RBFOX3: variants seen among roughly 807,000 people sequenced by gnomAD.
RBFOX3 encodes the protein RNA binding fox-1 homolog 3.
Under a neutral mutation model 48.7 loss-of-function variants are expected in RBFOX3, and 17 were observed. The observed-to-expected ratio is 0.35, with a 90% CI of 0.24 to 0.52. RBFOX3 has a LOEUF of 0.52. RBFOX3 is among the 20% of genes least tolerant of loss of function. The pLI, the probability that RBFOX3 is intolerant of heterozygous loss-of-function variation, is 0.94. For synonymous variants in RBFOX3, 212 were observed against 209.5 expected (o/e 1.01, Z -0.10); for missense variants, 382 against 497.5 (o/e 0.77, Z 2.21).
intron 3 of RBFOX3, among the ~76,000 whole-genome samples, chr17:79,282,586 G>T (rs563576131): frequency 3.5e-4 from 54 of 152,142 alleles, no homozygotes; most frequent in Non-Finnish European, 6.3e-4. Context: ...GGGCAGGGAG[G>T]GTCACTGCAC....
At position 79,417,653 on chromosome 17, in the gene RBFOX3, A is replaced by G. The variant is rs138006177; in HGVS notation, c.-175+64801T>C. On this transcript the variant is annotated intron_variant, in intron 2 of 14. Coordinates refer to ENST00000693108, the MANE Select transcript of RBFOX3 (RefSeq NM_001350451.2). ...GGAAGATGGCGCCGCTGCTGCGGAA[A>G]AGGAAGGTTTGGCGGTTCCTTAAAC... 2.1e-4 allele frequency among the ~76,000 whole-genome samples: 32 copies of G among 152,328 alleles called. No individual in the cohort carries two copies. In the East Asian group the frequency reaches 4.1e-3, roughly 19 times the overall value.
intron 1 of RBFOX3, among the ~76,000 whole-genome samples, chr17:79,594,413 C>G (rs1011992593): frequency 5.3e-5 from 8 of 152,204 alleles, no homozygotes; most frequent in African/African-American, 1.9e-4. Flanking sequence ...ATGGAAATGG[C>G]TTGCTGTCCC....
intron 4 of RBFOX3, among the ~76,000 whole-genome samples, chr17:79,151,416 G>A (rs2044402200): frequency 2.3e-5 from 2 of 85,614 alleles, no homozygotes; most frequent in Middle Eastern, 4.5e-3. Context: ...GGGCTGGGAG[G>A]GGACCTGCAG....
chr17:79,205,440 C>G lies in RBFOX3; in HGVS notation c.-34+30326G>C, dbSNP rs934305721. Among the ~76,000 whole-genome samples the G allele has an allele frequency of 1.3e-5, 2 of 152,148 alleles. No homozygotes were observed. Among genetic ancestry groups the G allele is most frequent in the Non-Finnish European group, 2.9e-5 (2 of 68,022 alleles). ...TTGGATGGCTACACTTAGCATCTAG[C>G]ATAACCTGAATATGAGTTCCCTGAC... On this transcript the variant is annotated intron_variant, in intron 4 of 14. Coordinates refer to ENST00000693108, the MANE Select transcript of RBFOX3 (RefSeq NM_001350451.2). The surrounding 1 kb of genome is among the most constrained non-coding windows in gnomAD (Gnocchi z 4.5).
chr17:79,179,188 G>A (rs1486079894), intron 4 of RBFOX3, among the ~76,000 whole-genome samples: 1 of 152,220 alleles, frequency 6.6e-6, no homozygotes, highest in South Asian at 2.1e-4. Context: ...ACCTTAGAGG[G>A]AAGAGAGAAT....
intron 2 of RBFOX3, among the ~76,000 whole-genome samples, chr17:79,386,476 A>T (rs958573314): frequency 2.0e-5 from 3 of 152,236 alleles, no homozygotes; most frequent in Middle Eastern, 3.2e-3. Flanking sequence ...GTCGACAGCT[A>T]GTGAGTGGCA....
At chr17:79,113,138 C>T (rs1173976515) in intron 5 of RBFOX3, among the ~76,000 whole-genome samples, 1 of 152,092 alleles carries the variant, frequency 6.6e-6, no homozygotes, top group Non-Finnish European at 1.5e-5. Context: ...GCTGAAAGGG[C>T]CCTGCTGATG....
intron 1 of RBFOX3, among the ~76,000 whole-genome samples, chr17:79,583,507 T>C (rs1199165039): frequency 6.6e-6 from 1 of 151,886 alleles, no homozygotes; most frequent in Admixed American, 6.6e-5. Context: ...GACCCCTAAG[T>C]GGGGACAGTT....
Position 79,471,156 on chromosome 17 carries a change from G to A in RBFOX3, c.-175+11298C>T, listed in dbSNP as rs1598840748. Reference sequence around the variant, plus strand: ...GACATCCATAATGCAGAATGGAGGTGAGTCCTGGGTCCCCAGCACCCCTCC... The same window carrying A: ...GACATCCATAATGCAGAATGGAGGTAAGTCCTGGGTCCCCAGCACCCCTCC... On this transcript the variant is annotated intron_variant, in intron 2 of 14. Coordinates refer to ENST00000693108, the MANE Select transcript of RBFOX3 (RefSeq NM_001350451.2). The surrounding 1 kb of genome is among the most constrained non-coding windows in gnomAD (Gnocchi z 4.0). Among the ~76,000 whole-genome samples, 2 of 152,300 alleles carry A rather than the reference G, an allele frequency of 1.3e-5. No individual in the cohort carries two copies. The highest frequency in any genetic ancestry group is 2.1e-4 in the South Asian group (1 of 4,826).
intron 3 of RBFOX3, among the ~76,000 whole-genome samples, chr17:79,304,431 A>T (rs921824257): frequency 6.7e-6 from 1 of 149,222 alleles, no homozygotes; most frequent in Admixed American, 6.7e-5. Flanking sequence ...ATATATTTTG[A>T]TATATATGTG....
intron 4 of RBFOX3, among the ~76,000 whole-genome samples, chr17:79,130,074 G>A (rs1289108305): frequency 6.6e-6 from 1 of 152,172 alleles, no homozygotes; most frequent in Non-Finnish European, 1.5e-5. Flanking sequence ...GCCTGGAGCA[G>A]GAATGCACCT....
intron 1 of RBFOX3, among the ~76,000 whole-genome samples, chr17:79,608,781 G>A (rs2093897301): frequency 6.6e-6 from 1 of 152,176 alleles, no homozygotes; most frequent in African/African-American, 2.4e-5. Context: ...TGAGCGGTGA[G>A]CGAGGCGCCC....
chr17:79,107,078 T>TC (rs2077524469), intron 5 of RBFOX3, among the ~76,000 whole-genome samples: 1 of 152,178 alleles, frequency 6.6e-6, no homozygotes. Flanking sequence ...CCTGCTCTGT[T>TC]CCCCGCTCCC....
At chr17:79,449,507 A>G (rs1392837284) in intron 2 of RBFOX3, among the ~76,000 whole-genome samples, 2 of 152,134 alleles carry the variant, frequency 1.3e-5, no homozygotes, top group African/African-American at 2.4e-5. Flanking sequence ...GAAGCCTCCA[A>G]CAACTTCTAC....
intron 1 of RBFOX3, among the ~76,000 whole-genome samples, chr17:79,555,692 TGGTGG>T (rs2091676827): frequency 6.6e-6 from 1 of 152,196 alleles, no homozygotes; most frequent in African/African-American, 2.4e-5. Flanking sequence ...ATGGTGGTGA[TGGTGG>T]TGATAGTGGT....
rs1454464630 is a variant in RBFOX3 at position 79,482,636 on chromosome 17, G to A, written c.-319-38C>T. The A allele has an allele frequency of 6.6e-6, 1 of 152,090 alleles. No individual in the cohort carries two copies. The highest frequency in any genetic ancestry group is 1.5e-5 in the Non-Finnish European group (1 of 68,004). The allele number at this position is 152,090 out of a possible 1,614,324, so 9.4% of individuals were successfully genotyped here. ...AAAAGCAAGTAAAAAAATTGCCTTT[G>A]AAGAAAACATCTTCCTTTTGATCTA... On this transcript the variant is annotated intron_variant, in intron 1 of 14. Coordinates refer to ENST00000693108, the MANE Select transcript of RBFOX3 (RefSeq NM_001350451.2). This position sits in a 1 kb window ranked among gnomAD's most constrained non-coding sequence, Gnocchi z 4.1.
At chr17:79,584,933 T>G (rs2093196963) in intron 1 of RBFOX3, among the ~76,000 whole-genome samples, 1 of 151,990 alleles carries the variant, frequency 6.6e-6, no homozygotes, top group Non-Finnish European at 1.5e-5. Flanking sequence ...ACCCAGCTAC[T>G]TTTTTGTATT....
chr17:79,140,784 C>G (rs562646015), intron 4 of RBFOX3, among the ~76,000 whole-genome samples: 2 of 152,354 alleles, frequency 1.3e-5, no homozygotes, highest in Admixed American at 1.3e-4. Context: ...CTGTGCTGGG[C>G]ATGCCATCCA....
intron 2 of RBFOX3, among the ~76,000 whole-genome samples, chr17:79,379,745 C>T (rs2059655617): frequency 6.6e-6 from 1 of 152,134 alleles, no homozygotes; most frequent in African/African-American, 2.4e-5. Context: ...GATGGCTTCC[C>T]TCACATCCAA....
Sources: gnomAD v4.1 joint callset for allele counts (sites outside exome capture counted in the v4.1 genomes callset) on GRCh38, gnomAD v4.1.1 for gene constraint, Gnocchi (gnomAD v3.1) non-coding constraint, MANE v1.5 for transcripts, NCBI Gene and HGNC (gene_info 2026-07-23, HGNC 2026-07-21) for gene names.